The following WAC variants were observed in gnomAD, a reference collection of about 807,000 sequenced individuals.
The protein encoded by WAC is WW domain-containing adapter protein with coiled-coil.
WAC carries 11 observed loss-of-function variants against 79.6 expected under a neutral mutation model. That is an observed-to-expected ratio of 0.14 (90% CI 0.09 to 0.23). WAC has a LOEUF of 0.23. Ranked by LOEUF, WAC falls within the 10% of genes least tolerant of loss-of-function variation. The pLI is 1.00. For synonymous variants in WAC, 304 were observed against 276.9 expected (o/e 1.10, Z -0.97); for missense variants, 728 against 773.5 (o/e 0.94, Z 0.70).
chr10:28,596,929 A>C (rs1166790128), intron 7 of WAC, among the ~76,000 whole-genome samples: 1 of 152,188 alleles, frequency 6.6e-6, no homozygotes. Flanking sequence ...CTTGAACTAC[A>C]GTGTGATTTT....
intron 3 of WAC, among the ~76,000 whole-genome samples, chr10:28,557,961 C>T (rs1838086614): frequency 2.0e-5 from 3 of 152,038 alleles, no homozygotes; most frequent in African/African-American, 7.2e-5. Context: ...GTAGTCCCAG[C>T]TACTTGGGAG....
chr10:28,580,995 C>A (rs1339493806), intron 3 of WAC, among the ~76,000 whole-genome samples: 2 of 152,090 alleles, frequency 1.3e-5, no homozygotes, highest in Non-Finnish European at 2.9e-5. Flanking sequence ...TCTAAGAATT[C>A]TTGCCTAAGA....
intron 4 of WAC, 50 bp from the exon 5 acceptor site, chr10:28,589,686 G>A (rs1839993699): frequency 8.2e-7 from 1 of 1,214,234 alleles, no homozygotes; most frequent in Non-Finnish European, 1.2e-6. Flanking sequence ...GATATTTCAT[G>A]TGATTAAATA....
At chr10:28,561,567 T>TG (rs1412682727) in intron 3 of WAC, among the ~76,000 whole-genome samples, 1 of 152,000 alleles carries the variant, frequency 6.6e-6, no homozygotes, top group East Asian at 1.9e-4. Context: ...TTTGACCCTG[T>TG]GGGAAAAAAG....
At chr10:28,533,814 C>T in intron 1 of WAC, 184 bp from the exon 2 acceptor site, 1 of 999,782 alleles carries the variant, frequency 1.0e-6, no homozygotes, top group Non-Finnish European at 1.4e-6. Context: ...CCCGGCTTCG[C>T]GGCATTTCGC....
intron 10 of WAC, among the ~76,000 whole-genome samples, chr10:28,612,680 G>A (rs1040252773): frequency 7.0e-6 from 1 of 143,054 alleles, no homozygotes; most frequent in Non-Finnish European, 1.6e-5. Context: ...TGGTTGGTCA[G>A]CTTTTAAGTC....
intron 3 of WAC, chr10:28,535,970 C>T: frequency 2.6e-6 from 1 of 385,592 alleles, no homozygotes; most frequent in South Asian, 4.7e-5. Flanking sequence ...AGGCCAGGCG[C>T]GGTGGCTCAC....
At chr10:28,610,035 G>A (rs1049223988) in intron 8 of WAC, among the ~76,000 whole-genome samples, 1 of 149,370 alleles carries the variant, frequency 6.7e-6, no homozygotes, top group Non-Finnish European at 1.5e-5. Flanking sequence ...AGGTTCAAGC[G>A]ATTCTCCTGC....
At position 28,595,740 on chromosome 10, in the gene WAC, C is replaced by T; in HGVS notation, c.618C>T (p.Asp206=). The change falls in exon 7 of 14, where the codon GAC becomes GAT. Residue 206 remains aspartate, a synonymous_variant. Transcript: ENST00000354911. The stretch of plus-strand genomic sequence containing the variant: ...TCGAACTGTGAACTAAAGTGGAAGA[C>T]AAGCATTCCAGTGATGCCAGTAGTT... ...ATSGFASGME[D]KHSSDASSLL... is the part of the protein sequence containing the mutation. 1 of 1,611,128 alleles carries T rather than the reference C, an allele frequency of 6.2e-7. No homozygotes were observed. Among genetic ancestry groups the T allele is most frequent in the Non-Finnish European group, 8.5e-7 (1 of 1,177,664 alleles).
chr10:28,550,257 A>G (rs1029166753), intron 3 of WAC, among the ~76,000 whole-genome samples: 5 of 149,384 alleles, frequency 3.3e-5, no homozygotes, highest in African/African-American at 1.2e-4. Context: ...TCTATAATCT[A>G]GTCATGTAAA....
At chr10:28,551,698 G>A (rs2132424918) in intron 3 of WAC, among the ~76,000 whole-genome samples, 1 of 151,560 alleles carries the variant, frequency 6.6e-6, no homozygotes, top group South Asian at 2.1e-4. Flanking sequence ...GAATGCTGTA[G>A]GATCTGAAAT....
In WAC at chr10:28,535,691, A is replaced by G. The variant is rs1836613575; in HGVS notation, c.208A>G (p.Ser70Gly). Residue 70 changes from serine (S) to glycine (G), a missense_variant, in exon 3 of 14, where the codon AGT becomes GGT. By Grantham distance (56) the Ser-to-Gly change is moderately conservative. Coordinates refer to ENST00000354911, the MANE Select transcript of WAC (RefSeq NM_016628.5). ...ATCTGATAGTCCTGAAAACAAATACAGTGACAGCACAGGTCACAGTAAGGC... is the reference window on the plus strand; with the variant it reads ...ATCTGATAGTCCTGAAAACAAATACGGTGACAGCACAGGTCACAGTAAGGC... ...RRSDSPENKY[S>G]DSTGHSKAKN... 1 of 1,614,158 alleles carries G rather than the reference A, an allele frequency of 6.2e-7. No homozygotes were observed. The highest frequency in any genetic ancestry group is 8.5e-7 in the Non-Finnish European group (1 of 1,180,026).
Position 28,580,449 on chromosome 10 carries a change from C to A in WAC, c.275-2950C>A, listed in dbSNP as rs556353031. Among the ~76,000 whole-genome samples the A allele has an allele frequency of 4.6e-5, 7 of 152,314 alleles. No homozygotes were observed. The South Asian group carries it at 1.4e-3, about 32-fold the overall frequency. On this transcript the variant is annotated intron_variant, in intron 3 of 13. Coordinates refer to ENST00000354911, the MANE Select transcript of WAC (RefSeq NM_016628.5). ...TTTGTAGAATACCTGTCAGGTCTTT[C>A]AGCAAACTTTTAATGTGGCACTTTC...
chr10:28,594,861 A>G (rs760889625), intron 6 of WAC, among the ~76,000 whole-genome samples: 4 of 152,186 alleles, frequency 2.6e-5, no homozygotes, highest in Non-Finnish European at 4.4e-5. Context: ...GACACTTTGA[A>G]TGAACTTCAA....
chr10:28,581,749 T>TG (rs1839549085), intron 3 of WAC, among the ~76,000 whole-genome samples: 2 of 151,214 alleles, frequency 1.3e-5, no homozygotes, highest in South Asian at 4.2e-4. Context: ...TTAGTAGAGA[T>TG]GGGGTTTTAC....
intron 10 of WAC, among the ~76,000 whole-genome samples, chr10:28,614,110 CTT>C (rs879655919): frequency 2.0e-5 from 3 of 146,638 alleles, no homozygotes; most frequent in African/African-American, 2.5e-5. Context: ...GAACTAGTTA[CTT>C]TTTTTTTTTT....
chr10:28,556,737 A>T (rs1299250981), intron 3 of WAC, among the ~76,000 whole-genome samples: 1 of 152,020 alleles, frequency 6.6e-6, no homozygotes, highest in Non-Finnish European at 1.5e-5. Context: ...TACTGATTGT[A>T]TATGGTGTAC....
chr10:28,548,754 A>G (rs1393408386), intron 3 of WAC, among the ~76,000 whole-genome samples: 1 of 152,054 alleles, frequency 6.6e-6, no homozygotes, highest in East Asian at 1.9e-4. Flanking sequence ...GACTAGGTCA[A>G]CTCTATCAAA....
rs921815214 is a variant in WAC at position 28,620,562 on chromosome 10, T to C, written c.*956T>C. ...ACAAAAATTGTTATTTTTCTTTTCC[T>C]TCGGTCAGTGCACATTAGCATTTGA... On this transcript the variant is annotated 3_prime_UTR_variant, in exon 14 of 14. Coordinates refer to ENST00000354911, the MANE Select transcript of WAC (RefSeq NM_016628.5). The C allele has an allele frequency of 6.6e-6, 1 of 152,664 alleles. No homozygotes were observed. The highest frequency in any genetic ancestry group is 6.5e-5 in the Admixed American group (1 of 15,286). The allele number at this position is 152,664 out of a possible 1,614,324, so 9.5% of individuals were successfully genotyped here. A position where few individuals can be genotyped will look rare whatever the true frequency, so the allele number is the denominator to read the frequency against.
Sources: allele counts gnomAD v4.1 joint callset (sites outside exome capture counted in the v4.1 genomes callset), GRCh38; gene constraint gnomAD v4.1.1; transcripts MANE v1.5; gene names NCBI Gene and HGNC (gene_info 2026-07-23, HGNC 2026-07-21).